DPYD: variants seen among roughly 807,000 people sequenced by gnomAD.
DPYD encodes dihydropyrimidine dehydrogenase [NADP(+)].
Under a neutral mutation model 116.2 loss-of-function variants are expected in DPYD, and 109 were observed. That is an observed-to-expected ratio of 0.94 (90% CI 0.80 to 1.10). The LOEUF (loss-of-function observed/expected upper bound fraction) is 1.10, where lower values mean the gene tolerates loss of function less well. Among genes scored for constraint, DPYD ranks in the 50% least tolerant of loss-of-function variants. The probability of loss-of-function intolerance (pLI) is 0.00; values close to 1 mark genes in which losing one functional copy is unlikely to be tolerated. For synonymous variants in DPYD, 440 were observed against 432.0 expected (o/e 1.02, Z -0.23); for missense variants, 1,302 against 1,254.5 (o/e 1.04, Z -0.57).
intron 8 of DPYD, among the ~76,000 whole-genome samples, chr1:97,608,747 C>T (rs1489387158): frequency 1.3e-5 from 2 of 151,372 alleles, no homozygotes; most frequent in Admixed American, 6.6e-5. Flanking sequence ...CATTAATATG[C>T]ATTTAATATA....
chr1:97,889,203 A>T lies in DPYD; in HGVS notation c.40-5829T>A, dbSNP rs1416815670. ...AATGAAAATAAAAAGTGAAAAAAAT[A>T]AAATTAAAGGAAGTTCTTCAGGCAG... On this transcript the variant is annotated intron_variant, in intron 1 of 22. Transcript: ENST00000370192. Among the ~76,000 whole-genome samples, 3 of 152,026 alleles carry T rather than the reference A, an allele frequency of 2.0e-5. No homozygotes were observed. The East Asian group carries it at 5.8e-4, about 29-fold the overall frequency.
intron 8 of DPYD, among the ~76,000 whole-genome samples, chr1:97,605,250 T>C (rs142689873): frequency 6.6e-6 from 1 of 152,246 alleles, no homozygotes; most frequent in Non-Finnish European, 1.5e-5. Context: ...ATATGTGATA[T>C]GGTTTGACTG....
chr1:97,636,901 C>T (rs1413022485), intron 8 of DPYD, among the ~76,000 whole-genome samples: 1 of 152,080 alleles, frequency 6.6e-6, no homozygotes, highest in Non-Finnish European at 1.5e-5. Context: ...ATCCTGTGAG[C>T]ATGGATGGCA....
chr1:97,749,193 G>A (rs560173351), intron 3 of DPYD, among the ~76,000 whole-genome samples: 2 of 152,252 alleles, frequency 1.3e-5, no homozygotes, highest in South Asian at 4.1e-4. Flanking sequence ...TGACAAAATA[G>A]GCTATCCATG....
At chr1:97,333,517 ATTTTTTTT>A (rs778577478) in intron 16 of DPYD, among the ~76,000 whole-genome samples, 5 of 97,068 alleles carry the variant, frequency 5.2e-5, no homozygotes, top group Non-Finnish European at 9.8e-5. Flanking sequence ...AAGTCTTAGG[ATTTTTTTT>A]TTTTTTTTTT....
chr1:97,347,448 A>C (rs191542357), intron 16 of DPYD, among the ~76,000 whole-genome samples: 383 of 152,110 alleles, frequency 2.5e-3, no homozygotes, highest in South Asian at 6.2e-3. Flanking sequence ...CTTTCGGTTA[A>C]GCCAACCTGG....
chr1:97,874,137 T>C lies in DPYD; in HGVS notation c.150+9127A>G, dbSNP rs112343204. ...TCATCACCATTATCACCGGTATTAT[T>C]TGAGATACTGTTACAGAGTACAGCA... On this transcript the variant is annotated intron_variant, in intron 2 of 22. Coordinates refer to ENST00000370192, the MANE Select transcript of DPYD (RefSeq NM_000110.4). 4.0e-3 allele frequency among the ~76,000 whole-genome samples: 601 copies of C among 152,042 alleles called. 5 individuals are homozygous for C. The highest frequency in any genetic ancestry group is 0.014 in the African/African-American group (575 of 41,552).
rs1159274157 is a variant in DPYD at position 97,686,636 on chromosome 1, C to CAAA, written c.762+5078_762+5080dup. Among the ~76,000 whole-genome samples the CAAA allele has an allele frequency of 2.1e-3, 21 of 10,060 alleles. 1 individual carries two copies. The highest frequency in any genetic ancestry group is 3.2e-3 in the Non-Finnish European group (15 of 4,748). The allele number at this position is 10,060 out of a possible 152,430, so 6.6% of individuals were successfully genotyped here. ...TGGGCGACAGAGCGAGACTCTGTCT[C>CAAA]AAAAAAAAAAAAAAAAAAAAAAAAA... On this transcript the variant is annotated intron_variant, in intron 7 of 22. Coordinates refer to ENST00000370192, the MANE Select transcript of DPYD (RefSeq NM_000110.4).
intron 4 of DPYD, among the ~76,000 whole-genome samples, chr1:97,731,837 T>C (rs1270625102): frequency 5.9e-5 from 9 of 152,068 alleles, no homozygotes; most frequent in Admixed American, 4.6e-4. Context: ...TAAAAGAAAA[T>C]AGTTGTGATT....
intron 2 of DPYD, among the ~76,000 whole-genome samples, chr1:97,837,307 T>C (rs1345430847): frequency 6.6e-6 from 1 of 152,156 alleles, no homozygotes; most frequent in Non-Finnish European, 1.5e-5. Context: ...GGAGTTACTG[T>C]CTAAATGATA....
intron 18 of DPYD, among the ~76,000 whole-genome samples, chr1:97,294,043 C>G (rs1368430476): frequency 6.6e-6 from 1 of 152,000 alleles, no homozygotes; most frequent in Admixed American, 6.6e-5. Flanking sequence ...TACTATGTCC[C>G]TGAAACTTTC....
At chr1:97,726,156 T>C (rs539552216) in intron 4 of DPYD, among the ~76,000 whole-genome samples, 1 of 151,592 alleles carries the variant, frequency 6.6e-6, no homozygotes, top group Non-Finnish European at 1.5e-5. Context: ...TGAATAGAAA[T>C]TGCATCTCTA....
At chr1:97,632,294 T>G (rs923393289) in intron 8 of DPYD, among the ~76,000 whole-genome samples, 1 of 152,120 alleles carries the variant, frequency 6.6e-6, no homozygotes, top group African/African-American at 2.4e-5. Flanking sequence ...AGAGGAACAT[T>G]AGCGTTATCA....
chr1:97,450,287 T>C (rs1676340915), intron 13 of DPYD, 64 bp from the exon 14 acceptor site: 14 of 1,564,854 alleles, frequency 8.9e-6, no homozygotes, highest in Non-Finnish European at 1.1e-5. Flanking sequence ...CTTTATTATC[T>C]GCTCATTTCC....
intron 3 of DPYD, among the ~76,000 whole-genome samples, chr1:97,814,759 C>G (rs1668494958): frequency 1.3e-5 from 2 of 151,764 alleles, no homozygotes; most frequent in African/African-American, 4.8e-5. Flanking sequence ...CAAAAACTAT[C>G]CAGGTGTGGT....
chr1:97,396,052 T>C (rs962836431), intron 14 of DPYD, among the ~76,000 whole-genome samples: 11 of 150,162 alleles, frequency 7.3e-5, no homozygotes, highest in Non-Finnish European at 1.5e-5. Flanking sequence ...CAATCCCAAA[T>C]TTGAGGTATT....
intron 2 of DPYD, among the ~76,000 whole-genome samples, chr1:97,864,519 TTCTC>T (rs1017493405): frequency 6.6e-6 from 1 of 151,662 alleles, no homozygotes; most frequent in Non-Finnish European, 1.5e-5. Context: ...TCTCTCTTTT[TTCTC>T]TCTCTCTCCC....
intron 3 of DPYD, among the ~76,000 whole-genome samples, chr1:97,786,243 A>T (rs1667015925): frequency 6.6e-6 from 1 of 152,190 alleles, no homozygotes. Context: ...CCAACACTTT[A>T]CCAATTCTAA....
intron 18 of DPYD, among the ~76,000 whole-genome samples, chr1:97,236,645 A>C (rs543196902): frequency 9.2e-5 from 14 of 152,196 alleles, no homozygotes; most frequent in African/African-American, 3.1e-4. Context: ...ATGTTGTTAT[A>C]CATTTACACA....
Sources: allele counts gnomAD v4.1 joint callset (sites outside exome capture counted in the v4.1 genomes callset), GRCh38; gene constraint gnomAD v4.1.1; transcripts MANE v1.5; gene names NCBI Gene and HGNC (gene_info 2026-07-23, HGNC 2026-07-21).